The following SGCD variants were observed in gnomAD, a reference collection of about 807,000 sequenced individuals.
SGCD encodes the protein sarcoglycan delta.
SGCD carries 18 observed loss-of-function variants against 36.6 expected under a neutral mutation model. The ratio of observed to expected loss-of-function variants is 0.49; its 90% CI spans 0.34 to 0.73. The LOEUF is 0.73. Among genes scored for constraint, SGCD ranks in the 30% least tolerant of loss-of-function variants. The pLI, the probability that SGCD is intolerant of heterozygous loss-of-function variation, is 0.01. For missense variants in SGCD, 387 were observed against 346.7 expected, an observed-to-expected ratio of 1.12 and a Z score of -0.92; for synonymous variants, 133 against 130.6, an observed-to-expected ratio of 1.02 and a Z score of -0.12.
rs139030504 is a variant in SGCD at position 156,745,179 on chromosome 5, G to T, written c.576-12402G>T. Among the ~76,000 whole-genome samples, 680 of 152,286 alleles carry T rather than the reference G, an allele frequency of 4.5e-3. 3 individuals carry two copies. Among genetic ancestry groups the T allele is most frequent in the South Asian group, 0.018 (85 of 4,824 alleles). The stretch of plus-strand genomic sequence containing the variant: ...CCCCCCCAGTTACCAAAGCCTCAGT[G>T]TAAGGGTGAAATAGAATCTAATCTG... On this transcript the variant is annotated intron_variant, in intron 7 of 8. Coordinates refer to ENST00000337851, the MANE Select transcript of SGCD (RefSeq NM_000337.6).
intron 1 of SGCD, among the ~76,000 whole-genome samples, chr5:155,892,928 C>A (rs142783456): frequency 1.3e-5 from 2 of 152,110 alleles, no homozygotes; most frequent in Non-Finnish European, 2.9e-5. Context: ...AAATAGAGAG[C>A]AGAGTAGTGG....
At position 155,880,647 on chromosome 5, in the gene SGCD, A is replaced by G. The variant is rs992223815; in HGVS notation, c.-282+10223A>G. 3.3e-5 allele frequency among the ~76,000 whole-genome samples: 5 copies of G among 152,196 alleles called. No individual in the cohort carries two copies. In the East Asian group the frequency reaches 9.6e-4, roughly 29 times the overall value. ...GTGGGATAAAGAAATGCTATTATTTACATCGTCATTATGCTTGAGTTAGTG... is the reference window on the plus strand; with the variant it reads ...GTGGGATAAAGAAATGCTATTATTTGCATCGTCATTATGCTTGAGTTAGTG... On this transcript the variant is annotated intron_variant, in intron 1 of 9. Coordinates refer to the SGCD transcript ENST00000517913.
intron 6 of SGCD, among the ~76,000 whole-genome samples, chr5:156,605,372 A>C (rs1361358807): frequency 6.6e-6 from 1 of 152,202 alleles, no homozygotes; most frequent in Non-Finnish European, 1.5e-5. Context: ...CCTACAAAGG[A>C]CATGAACTCA....
At chr5:156,551,492 C>A (rs1368301) in intron 4 of SGCD, among the ~76,000 whole-genome samples, 18,890 of 151,978 alleles carry the variant, frequency 0.12, 1,331 homozygotes, top group Admixed American at 0.17. Flanking sequence ...TGTGTGTTCA[C>A]GGGAACAGGG....
chr5:155,737,527 C>A, the SGCD span, among the ~76,000 whole-genome samples: 1 of 152,208 alleles, frequency 6.6e-6, no homozygotes, highest in East Asian at 1.9e-4. Flanking sequence ...GAATTGATTT[C>A]ATGACACTCA....
chr5:156,184,991 C>A (rs1342898425), intron 3 of SGCD, among the ~76,000 whole-genome samples: 1 of 152,108 alleles, frequency 6.6e-6, no homozygotes, highest in Admixed American at 6.6e-5. Flanking sequence ...ATTCCTGTGC[C>A]CCATTATGAG....
chr5:156,267,698 AAAAGTTTAG>A (rs1405586854), intron 3 of SGCD, among the ~76,000 whole-genome samples: 25 of 150,342 alleles, frequency 1.7e-4, no homozygotes, highest in African/African-American at 6.3e-4. Context: ...TTTTTTTGAT[AAAAGTTTAG>A]GCCTACTGGT....
intron 1 of SGCD, among the ~76,000 whole-genome samples, chr5:156,018,044 T>C (rs1561684062): frequency 6.6e-6 from 1 of 151,966 alleles, no homozygotes; most frequent in Non-Finnish European, 1.5e-5. Flanking sequence ...CCTGTGGTTC[T>C]AGCTACTCAG....
Position 156,406,781 on chromosome 5 carries a change from T to C in SGCD, c.192+62104T>C, listed in dbSNP as rs141737810. ...GGGTTTTCTAGAGGGACAGAACTAATAGGAGATTTTATATATATATATATA... is the reference window on the plus strand; with the variant it reads ...GGGTTTTCTAGAGGGACAGAACTAACAGGAGATTTTATATATATATATATA... On this transcript the variant is annotated intron_variant, in intron 3 of 8. Transcript: ENST00000337851. Among the ~76,000 whole-genome samples, 115 of 123,906 alleles carry C rather than the reference T, an allele frequency of 9.3e-4. 2 individuals are homozygous for C. Among genetic ancestry groups the C allele is most frequent in the African/African-American group, 3.3e-3 (105 of 32,238 alleles). The allele number at this position is 123,906 out of a possible 152,430, so 81.3% of individuals were successfully genotyped here.
At chr5:156,045,656 G>A (rs1406412132) in intron 1 of SGCD, among the ~76,000 whole-genome samples, 2 of 152,170 alleles carry the variant, frequency 1.3e-5, no homozygotes, top group Non-Finnish European at 2.9e-5. Flanking sequence ...TCTGGTGACA[G>A]TTCTCTGCCT....
At chr5:156,243,074 CT>C (rs1765343951) in intron 3 of SGCD, among the ~76,000 whole-genome samples, 1 of 152,164 alleles carries the variant, frequency 6.6e-6, no homozygotes, top group South Asian at 2.1e-4. Flanking sequence ...ACGGAGAGGA[CT>C]GTGTCTGCAC....
intron 7 of SGCD, among the ~76,000 whole-genome samples, chr5:156,706,820 T>C (rs1754762924): frequency 6.6e-6 from 1 of 152,136 alleles, no homozygotes; most frequent in African/African-American, 2.4e-5. Flanking sequence ...TATCTGCAGA[T>C]TGTTGATTCA....
At chr5:155,801,157 G>C in the SGCD span, among the ~76,000 whole-genome samples, 1 of 152,110 alleles carries the variant, frequency 6.6e-6, no homozygotes, top group East Asian at 1.9e-4. Flanking sequence ...TTTCTCTGTT[G>C]ACTCACTAGG....
chr5:156,159,566 C>T (rs1351152179), intron 3 of SGCD, among the ~76,000 whole-genome samples: 1 of 151,324 alleles, frequency 6.6e-6, no homozygotes, highest in African/African-American at 2.4e-5. Context: ...TTGTAATAAC[C>T]AATTTTGGAT....
intron 3 of SGCD, among the ~76,000 whole-genome samples, chr5:156,350,925 G>A (rs978933394): frequency 2.0e-5 from 3 of 152,094 alleles, no homozygotes; most frequent in Non-Finnish European, 4.4e-5. Context: ...TAAGTAAAAC[G>A]CTGGTGTTTG....
chr5:156,065,367 A>G (rs1221850707), intron 1 of SGCD, among the ~76,000 whole-genome samples: 27 of 120,434 alleles, frequency 2.2e-4, no homozygotes, highest in South Asian at 1.5e-3. Flanking sequence ...TATGTGGTCA[A>G]TTTTGGAATA....
At chr5:156,406,242 A>G (rs985468047) in intron 3 of SGCD, among the ~76,000 whole-genome samples, 1 of 152,078 alleles carries the variant, frequency 6.6e-6, no homozygotes, top group Non-Finnish European at 1.5e-5. Flanking sequence ...TTGAAGCATC[A>G]TGTTGTAATT....
intron 3 of SGCD, among the ~76,000 whole-genome samples, chr5:156,453,204 A>C (rs1311050899): frequency 6.6e-6 from 1 of 152,202 alleles, no homozygotes; most frequent in African/African-American, 2.4e-5. Flanking sequence ...AGGAGAAATA[A>C]GATAATATGA....
chr5:156,484,122 G>T (rs1457402342), intron 3 of SGCD, among the ~76,000 whole-genome samples: 1 of 152,146 alleles, frequency 6.6e-6, no homozygotes, highest in Non-Finnish European at 1.5e-5. Flanking sequence ...GCTTCTGTCT[G>T]AATCCACTAA....
Sources: gnomAD v4.1 joint callset for allele counts (sites outside exome capture counted in the v4.1 genomes callset) on GRCh38, gnomAD v4.1.1 for gene constraint, MANE v1.5 for transcripts, NCBI Gene and HGNC (gene_info 2026-07-23, HGNC 2026-07-21) for gene names.